Variants in WHAMM observed in about 807,000 individuals in gnomAD.
WHAMM encodes the protein WASP homolog associated with actin, golgi membranes and microtubules, also known as WASP homolog-associated protein with actin, membranes and microtubules.
In WHAMM, 67 loss-of-function variants were observed where a neutral mutation model predicts 76.5. The observed-to-expected ratio is 0.88, with a 90% CI of 0.72 to 1.07. The LOEUF (loss-of-function observed/expected upper bound fraction) is 1.07. Among genes scored for constraint, WHAMM ranks in the 50% least tolerant of loss-of-function variants. The pLI, the probability that WHAMM is intolerant of heterozygous loss-of-function variation, is 0.00. For synonymous variants in WHAMM, 419 were observed against 422.1 expected (o/e 0.99, Z 0.09); for missense variants, 1,021 against 1,051.1 (o/e 0.97, Z 0.40).
chr15:82,816,933 C>A, intron 3 of WHAMM, 91 bp downstream of exon 3: 1 of 1,273,190 alleles, frequency 7.9e-7, no homozygotes, highest in Non-Finnish European at 1.1e-6. Context: ...GCACTAGGTA[C>A]TATGTTTTCT....
intron 9 of WHAMM, 100 bp from the exon 10 acceptor site, chr15:82,833,129 T>C: frequency 7.8e-7 from 1 of 1,278,034 alleles, no homozygotes; most frequent in Non-Finnish European, 1.1e-6. Flanking sequence ...GTTTAAATCA[T>C]GGTGTTAACT....
At chr15:82,814,931 G>T (rs1476974890) in intron 2 of WHAMM, among the ~76,000 whole-genome samples, 1 of 149,136 alleles carries the variant, frequency 6.7e-6, no homozygotes, top group East Asian at 2.0e-4. Flanking sequence ...CACCATGCCC[G>T]GCTAATTTTT....
Position 82,809,773 on chromosome 15 carries a change from G to A in WHAMM, c.47G>A (p.Arg16Gln). The change falls in exon 1 of 10, where the codon CGG (arginine) becomes CAG (glutamine). Residue 16 changes from arginine (R) to glutamine (Q), a missense_variant. Arg to Gln is a conservative substitution (Grantham distance 43). Transcript: ENST00000286760. ...AGCCTGGAGGGCTGGGTGCCGGTCCGGGAGGGCCTCTTCGCCGAGCCCGAG... is the reference window on the plus strand; with the variant it reads ...AGCCTGGAGGGCTGGGTGCCGGTCCAGGAGGGCCTCTTCGCCGAGCCCGAG... ...PDSLEGWVPV[R>Q]EGLFAEPERH... The A allele has an allele frequency of 3.8e-6, 6 of 1,594,408 alleles. No individual in the cohort carries two copies. Among genetic ancestry groups the A allele is most frequent in the Non-Finnish European group, 5.1e-6 (6 of 1,171,538 alleles).
rs1351270784 is a variant in WHAMM at position 82,810,134 on chromosome 15, T to G, written c.408T>G (p.Gly136=). Residue 136 remains glycine, a synonymous_variant, in exon 1 of 10, where the codon GGT becomes GGG. Transcript: ENST00000286760. ...CGCTGCTGTGGCCGACGCGCGCGGG[T>G]CCCGGCGAGGCGGCGCTGCAGGAGC... ...LWALLWPTRA[G]PGEAALQELC... is the part of the protein sequence containing the mutation. The G allele has an allele frequency of 2.2e-6, 3 of 1,360,812 alleles. No homozygotes were observed. Among genetic ancestry groups the G allele is most frequent in the Non-Finnish European group, 2.9e-6 (3 of 1,050,026 alleles). The allele number at this position is 1,360,812 out of a possible 1,614,324, so 84.3% of individuals were successfully genotyped here.
In WHAMM at chr15:82,831,013, C is replaced by T. The variant is rs373672470; in HGVS notation, c.2056C>T (p.Arg686Cys). 145 of 1,611,950 alleles carry T rather than the reference C, an allele frequency of 9.0e-5. No homozygotes were observed. Among genetic ancestry groups the T allele is most frequent in the Non-Finnish European group, 1.1e-4 (131 of 1,179,788 alleles). The change falls in exon 9 of 10, where the codon CGT (arginine) becomes TGT (cysteine). Residue 686 changes from arginine (R) to cysteine (C), a missense_variant. Physicochemically the swap from Arg to Cys is radical, Grantham distance 180 (BLOSUM62 -3). This residue lies in a region of WHAMM where 509 missense variants were observed against 492.3 expected (regional missense o/e 1.03). Coordinates refer to ENST00000286760, the MANE Select transcript of WHAMM (RefSeq NM_001080435.3). ...GGCTCCAGTGAAAGATGACCAGCCA[C>T]GTCCTCTAGTGTGCGAATCACCTGC... Reference protein sequence around the residue: ...FRAPVKDDQPRPLVCESPAER... With the variant: ...FRAPVKDDQPCPLVCESPAER...
chr15:82,810,762 G>A, intron 1 of WHAMM: 1 of 985,446 alleles, frequency 1.0e-6, no homozygotes, highest in Non-Finnish European at 1.2e-6. Flanking sequence ...AAATGGTTTA[G>A]AGGAAGAAAT....
At chr15:82,814,574 C>G (rs1321385582) in intron 2 of WHAMM, among the ~76,000 whole-genome samples, 1 of 151,780 alleles carries the variant, frequency 6.6e-6, no homozygotes, top group Non-Finnish European at 1.5e-5. Context: ...CCTCAGCCTC[C>G]CGAGTAGCTG....
In WHAMM at chr15:82,820,911, A is replaced by G. The variant is rs1451350846; in HGVS notation, c.1270+1423A>G. Among the ~76,000 whole-genome samples the G allele has an allele frequency of 6.6e-5, 10 of 150,504 alleles. No homozygotes were observed. In the East Asian group the frequency reaches 7.8e-4, roughly 12 times the overall value. Reference sequence around the variant, plus strand: ...GACTCTGTCTCAAAAAAAAAAAAAAAAAAAAAAAAGAAAAAAGATGCTCCC... The same window carrying G: ...GACTCTGTCTCAAAAAAAAAAAAAAGAAAAAAAAAGAAAAAAGATGCTCCC... On this transcript the variant is annotated intron_variant, in intron 5 of 9. Coordinates refer to ENST00000286760, the MANE Select transcript of WHAMM (RefSeq NM_001080435.3).
In WHAMM at chr15:82,830,975, A is replaced by C; in HGVS notation, c.2018A>C (p.Asn673Thr). 3.1e-6 allele frequency: 5 copies of C among 1,610,944 alleles called. No individual in the cohort carries two copies. Among genetic ancestry groups the C allele is most frequent in the Non-Finnish European group, 4.2e-6 (5 of 1,179,412 alleles). ...TCCTCTCAAGCTGCAACTCATCAGA[A>C]CTTAGGCTTCCGGGCTCCAGTGAAA... The part of the protein sequence containing the change: ...SSSSQAATHQ[N>T]LGFRAPVKDD... Residue 673 changes from asparagine to threonine, a missense_variant, in exon 9 of 10, where the codon AAC (asparagine) becomes ACC (threonine). Asn to Thr is a moderately conservative substitution (Grantham distance 65). This residue lies in a region of WHAMM where 509 missense variants were observed against 492.3 expected (regional missense o/e 1.03). Coordinates refer to ENST00000286760, the MANE Select transcript of WHAMM (RefSeq NM_001080435.3).
intron 1 of WHAMM, among the ~76,000 whole-genome samples, chr15:82,812,902 G>A (rs1278512362): frequency 6.6e-6 from 1 of 152,078 alleles, no homozygotes; most frequent in East Asian, 1.9e-4. Context: ...TTCTTACATG[G>A]ATATATCATA....
At chr15:82,811,660 A>G (rs1212137873) in intron 1 of WHAMM, among the ~76,000 whole-genome samples, 1 of 152,210 alleles carries the variant, frequency 6.6e-6, no homozygotes, top group African/African-American at 2.4e-5. Context: ...TAATTTTAAT[A>G]TTTAGAATGG....
At chr15:82,830,172 T>C (rs1367330713) in intron 8 of WHAMM, among the ~76,000 whole-genome samples, 1 of 151,952 alleles carries the variant, frequency 6.6e-6, no homozygotes, top group East Asian at 1.9e-4. Flanking sequence ...TTTCAGGCGT[T>C]GTACTATTTA....
Position 82,823,176 on chromosome 15 carries a change from G to T in WHAMM, c.1347G>T (p.Gly449=), listed in dbSNP as rs773113272. 1.9e-6 allele frequency: 3 copies of T among 1,575,470 alleles called. No individual in the cohort carries two copies. In the Admixed American group the frequency reaches 5.2e-5, roughly 28 times the overall value. ...TTAAAGTCATTGACTGTGTGGTGGG[G>T]CTGCAGGATGATAAGAATTTGGAAG... ...EELKVIDCVV[G]LQDDKNLEVK... The change falls in exon 6 of 10, where the codon GGG becomes GGT. Residue 449 remains glycine (G), a synonymous_variant. Transcript: ENST00000286760.
Position 82,830,697 on chromosome 15 carries a change from C to G in WHAMM, c.1740C>G (p.Ser580=), listed in dbSNP as rs374161072. The part of the protein sequence containing the change: ...DLSQQMCLPA[S]HAVSVIHPSS... ...CCCAGCAGATGTGCTTGCCAGCTTC[C>G]CACGCGGTGTCAGTAATTCACCCGT... Residue 580 remains serine (S), a synonymous_variant, in exon 9 of 10, where the codon TCC becomes TCG. Coordinates refer to ENST00000286760, the MANE Select transcript of WHAMM (RefSeq NM_001080435.3). 2.2e-5 allele frequency: 36 copies of G among 1,613,872 alleles called. No homozygotes were observed. The highest frequency in any genetic ancestry group is 3.0e-5 in the Non-Finnish European group (35 of 1,179,906).
chr15:82,809,823 G>T lies in WHAMM; in HGVS notation c.97G>T (p.Ala33Ser). The change falls in exon 1 of 10, where the codon GCC becomes TCC. Residue 33 changes from alanine (A) to serine (S), a missense_variant. Ala to Ser is a moderately conservative substitution (Grantham distance 99). Coordinates refer to ENST00000286760, the MANE Select transcript of WHAMM (RefSeq NM_001080435.3). ...GAGGCACCGGCTGCGCTTCCTGGTG[G>T]CCTGGAACGGCGCGGAGGGCAAGTT... ...PERHRLRFLV[A>S]WNGAEGKFAV... The T allele has an allele frequency of 1.9e-6, 3 of 1,604,716 alleles. No homozygotes were observed. Among genetic ancestry groups the T allele is most frequent in the Non-Finnish European group, 2.5e-6 (3 of 1,176,592 alleles).
intron 8 of WHAMM, 88 bp from the exon 9 acceptor site, chr15:82,830,511 C>T (rs892134564): frequency 3.3e-5 from 50 of 1,524,086 alleles, no homozygotes; most frequent in East Asian, 4.5e-5. Context: ...TGCATAGAAA[C>T]GGATGTGTTT....
chr15:82,829,042 G>A (rs562342346), intron 8 of WHAMM, among the ~76,000 whole-genome samples: 1 of 152,382 alleles, frequency 6.6e-6, no homozygotes, highest in South Asian at 2.1e-4. Flanking sequence ...GGAAGTAGGA[G>A]AGGGAGAAAA....
In WHAMM at chr15:82,823,131, A is replaced by G; in HGVS notation, c.1302A>G (p.Pro434=). ...EKQDEVVYYD[P]CENPEELKVI... ...AAGATGAAGTTGTCTATTACGATCCATGTGAAAATCCAGAGGAACTTAAAG... is the reference window on the plus strand; with the variant it reads ...AAGATGAAGTTGTCTATTACGATCCGTGTGAAAATCCAGAGGAACTTAAAG... Residue 434 remains proline (P), a synonymous_variant, in exon 6 of 10, where the codon CCA becomes CCG. Transcript: ENST00000286760. 6.9e-7 allele frequency: 1 copy of G among 1,454,914 alleles called. No homozygotes were observed. Among genetic ancestry groups the G allele is most frequent in the East Asian group, 2.6e-5 (1 of 38,846 alleles). 90.1% of individuals were successfully genotyped at this position (1,454,914 alleles called of 1,614,324 possible).
At chr15:82,817,287 C>A (rs1360797925) in intron 3 of WHAMM, among the ~76,000 whole-genome samples, 1 of 152,182 alleles carries the variant, frequency 6.6e-6, no homozygotes, top group Non-Finnish European at 1.5e-5. Context: ...TTAAAGAAAA[C>A]CTGCGGGGCT....
Sources: allele counts gnomAD v4.1 joint callset (sites outside exome capture counted in the v4.1 genomes callset), GRCh38; gene constraint gnomAD v4.1.1; regional missense constraint gnomAD v4.1.1; transcripts MANE v1.5; gene names NCBI Gene and HGNC (gene_info 2026-07-23, HGNC 2026-07-21).